Variants in PRKAG2 observed in about 807,000 individuals in gnomAD.
PRKAG2 encodes the protein protein kinase AMP-activated non-catalytic subunit gamma 2, also known as 5'-AMP-activated protein kinase subunit gamma-2.
In PRKAG2, 26 loss-of-function variants were observed where a neutral mutation model predicts 69.6. That is an observed-to-expected ratio of 0.37 (90% confidence interval 0.27 to 0.52). The LOEUF is 0.52. Among genes scored for constraint, PRKAG2 ranks in the 20% least tolerant of loss-of-function variants. The pLI is 0.90. For synonymous variants in PRKAG2, 293 were observed against 285.0 expected, an observed-to-expected ratio of 1.03 and a Z score of -0.28; for missense variants, 557 against 740.0, an observed-to-expected ratio of 0.75 and a Z score of 2.87.
At chr7:151,849,820 A>C (rs2079527511) in intron 1 of PRKAG2, among the ~76,000 whole-genome samples, 1 of 152,086 alleles carries the variant, frequency 6.6e-6, no homozygotes, top group South Asian at 2.1e-4. Context: ...CTCTAGGATG[A>C]CCTCATCTTC....
chr7:151,720,471 GC>G (rs902037535), intron 3 of PRKAG2, among the ~76,000 whole-genome samples: 18 of 151,638 alleles, frequency 1.2e-4, no homozygotes, highest in African/African-American at 4.4e-4. Flanking sequence ...TGTTCTTACT[GC>G]TATTTGTGGA....
chr7:151,841,694 TGATGGTAGGTGGG>T (rs2079293871), intron 1 of PRKAG2, among the ~76,000 whole-genome samples: 1 of 51,224 alleles, frequency 2.0e-5, no homozygotes, highest in African/African-American at 7.1e-5. Flanking sequence ...GTGATGGTAG[TGATGGTAGGTGGG>T]GATGGTAGTG....
At chr7:151,646,385 T>C (rs1012039604) in intron 4 of PRKAG2, among the ~76,000 whole-genome samples, 1 of 152,190 alleles carries the variant, frequency 6.6e-6, no homozygotes, top group Non-Finnish European at 1.5e-5. Context: ...ACCATGGAGG[T>C]CTTACATATC....
chr7:151,834,440 T>C (rs1305226319), intron 1 of PRKAG2, among the ~76,000 whole-genome samples: 3 of 152,254 alleles, frequency 2.0e-5, no homozygotes, highest in African/African-American at 7.2e-5. Flanking sequence ...GTTAGCTTCC[T>C]GGGAGCCTCT....
intron 4 of PRKAG2, among the ~76,000 whole-genome samples, chr7:151,659,268 A>T (rs1329096241): frequency 1.3e-5 from 2 of 152,220 alleles, no homozygotes; most frequent in Non-Finnish European, 2.9e-5. Flanking sequence ...TATCCAGGCC[A>T]TAGATTCCTG....
chr7:151,690,915 G>T (rs1835560766), intron 3 of PRKAG2, among the ~76,000 whole-genome samples: 1 of 152,210 alleles, frequency 6.6e-6, no homozygotes, highest in South Asian at 2.1e-4. Flanking sequence ...GCTATCCCAT[G>T]GGGCCTGGTG....
At chr7:151,784,303 G>C (rs982578471) in intron 2 of PRKAG2, among the ~76,000 whole-genome samples, 4 of 152,186 alleles carry the variant, frequency 2.6e-5, no homozygotes, top group African/African-American at 7.2e-5. Context: ...AGCATAGGGA[G>C]CTTGCTGGGG....
intron 4 of PRKAG2, among the ~76,000 whole-genome samples, chr7:151,654,715 C>T (rs1240047462): frequency 6.6e-6 from 1 of 152,146 alleles, no homozygotes; most frequent in Non-Finnish European, 1.5e-5. Context: ...TTTTTTGAGA[C>T]AGAGTCTCGC....
chr7:151,727,306 G>T (rs1301490299), intron 3 of PRKAG2, among the ~76,000 whole-genome samples: 3 of 152,198 alleles, frequency 2.0e-5, no homozygotes, highest in African/African-American at 7.2e-5. Flanking sequence ...GGGGGACTGG[G>T]ACCTCCAGGA....
In PRKAG2 at chr7:151,836,192, TTA is replaced by T. The variant is rs1308190831; in HGVS notation, c.114+40313_114+40314del. ...CTTCCCCTATAGCATGATTTCTCTT[TTA>T]TGTTTTGTCTGTCATCTCTTCCCCA... On this transcript the variant is annotated intron_variant, in intron 1 of 15. Transcript: ENST00000287878. This position sits in a 1 kb window ranked among gnomAD's most constrained non-coding sequence, Gnocchi z 4.1. Among the ~76,000 whole-genome samples the T allele has an allele frequency of 6.6e-6, 1 of 152,200 alleles. No individual in the cohort carries two copies. Among genetic ancestry groups the T allele is most frequent in the African/African-American group, 2.4e-5 (1 of 41,448 alleles).
chr7:151,656,165 T>C (rs1829383211), intron 4 of PRKAG2, among the ~76,000 whole-genome samples: 1 of 152,224 alleles, frequency 6.6e-6, no homozygotes, highest in Admixed American at 6.5e-5. Context: ...TTGATAACTA[T>C]AAATTTGTTA....
intron 1 of PRKAG2, among the ~76,000 whole-genome samples, chr7:151,839,042 G>T (rs1429213119): frequency 6.6e-6 from 1 of 151,276 alleles, no homozygotes; most frequent in East Asian, 1.9e-4. Flanking sequence ...TAGAAAAGGG[G>T]CAGCTTCCTC....
chr7:151,580,517 T>A (rs1390897656), intron 6 of PRKAG2, among the ~76,000 whole-genome samples: 1 of 152,206 alleles, frequency 6.6e-6, no homozygotes, highest in Admixed American at 6.5e-5. Context: ...TCATAACTTA[T>A]ATAGAAGCAA....
At chr7:151,731,765 GGGA>G (rs774232959) in intron 3 of PRKAG2, among the ~76,000 whole-genome samples, 21 of 152,288 alleles carry the variant, frequency 1.4e-4, no homozygotes, top group Middle Eastern at 3.4e-3. Flanking sequence ...GTGGAGAGGA[GGGA>G]GGAGAAGTCA....
At chr7:151,576,557 G>T in intron 6 of PRKAG2, 105 bp from the exon 7 acceptor site, 1 of 1,005,474 alleles carries the variant, frequency 9.9e-7, no homozygotes, top group Admixed American at 2.0e-5. Context: ...CTGGAGTGCA[G>T]TGGCACCATC....
At chr7:151,560,016 A>G (rs574435830) in intron 15 of PRKAG2, 198 of 985,300 alleles carry the variant, frequency 2.0e-4, no homozygotes, top group Non-Finnish European at 2.3e-4. Flanking sequence ...TGAATCTGTC[A>G]AAAAATGAGT....
rs760258104 is a variant in PRKAG2, at chr7:151,675,410, C to G, written c.684+10G>C. ...CCGGCAGCCCCACCCACAGAAGGGC[C>G]CAGACTTACGGCTTTGGAGGGAGCA... On this transcript the variant is annotated intron_variant, in intron 4 of 15. Transcript: ENST00000287878. The G allele has an allele frequency of 1.5e-5, 24 of 1,612,952 alleles. No individual in the cohort carries two copies. In the South Asian group the frequency reaches 2.4e-4, roughly 16 times the overall value.
intron 1 of PRKAG2, among the ~76,000 whole-genome samples, chr7:151,841,770 AGGTAGTGATGAT>A (rs1440735140): frequency 3.5e-5 from 5 of 141,740 alleles, no homozygotes; most frequent in Non-Finnish European, 6.0e-5. Context: ...TAGTGATGGT[AGGTAGTGATGAT>A]GGTAGTGATA....
intron 6 of PRKAG2, among the ~76,000 whole-genome samples, chr7:151,585,967 C>A (rs1811567479): frequency 6.6e-6 from 1 of 152,212 alleles, no homozygotes. Flanking sequence ...CCTAGGACTG[C>A]ATGTAGCTGC....
Sources: gnomAD v4.1 joint callset for allele counts (sites outside exome capture counted in the v4.1 genomes callset) on GRCh38, gnomAD v4.1.1 for gene constraint, Gnocchi (gnomAD v3.1) non-coding constraint, MANE v1.5 for transcripts, NCBI Gene and HGNC (gene_info 2026-07-23, HGNC 2026-07-21) for gene names.